The following SMC4 variants were observed in gnomAD, a reference collection of about 807,000 sequenced individuals.
SMC4 encodes structural maintenance of chromosomes 4.
Under a neutral mutation model 145.6 loss-of-function variants are expected in SMC4, and 87 were observed. That is an observed-to-expected ratio of 0.60 (90% CI 0.50 to 0.71). The LOEUF is 0.71. Ranked by LOEUF, SMC4 falls within the 30% of genes least tolerant of loss-of-function variation. SMC4 has a pLI of 0.00. For missense variants in SMC4, 1,447 were observed against 1,537.1 expected (o/e 0.94, Z 0.98); for synonymous variants, 558 against 500.7 (o/e 1.11, Z -1.53).
chr3:160,407,872 G>T (rs1438976460), intron 5 of SMC4, among the ~76,000 whole-genome samples: 3 of 152,162 alleles, frequency 2.0e-5, no homozygotes, highest in African/African-American at 7.2e-5. Flanking sequence ...TAGATATCAA[G>T]AAGTCCAGCT....
rs756919140 is a variant in SMC4, at chr3:160,423,631, A to G, written c.2226A>G (p.Gly742=). ...DRRWRVVTLQ[G]QIIEQSGTMT... is the part of the protein sequence containing the mutation. ...GATGGAGAGTGGTAACTTTACAGGG[A>G]CAAATCATAGAACAGTCAGGTAATA... The change falls in exon 14 of 24, where the codon GGA becomes GGG. Residue 742 remains glycine, a synonymous_variant. Transcript: ENST00000357388. 1 of 1,612,622 alleles carries G rather than the reference A, an allele frequency of 6.2e-7. No homozygotes were observed.
intron 10 of SMC4, chr3:160,416,663 G>T: frequency 4.2e-6 from 1 of 235,696 alleles, no homozygotes; most frequent in Non-Finnish European, 8.2e-6. Flanking sequence ...ACAGTACCTT[G>T]ATTATTATAT....
Position 160,412,099 on chromosome 3 carries a change from G to T in SMC4, c.852+15G>T. The T allele has an allele frequency of 6.2e-7, 1 of 1,602,716 alleles. No individual in the cohort carries two copies. Among genetic ancestry groups the T allele is most frequent in the South Asian group, 1.1e-5 (1 of 90,056 alleles). ...GAGGAGAGAAGGTGAATCATCTGTA[G>T]ACTTTCATTGTAAATCAGAATGTTT... On this transcript the variant is annotated intron_variant, in intron 6 of 23. Coordinates refer to ENST00000357388, the MANE Select transcript of SMC4 (RefSeq NM_001002800.3).
chr3:160,400,669 C>T lies in SMC4; in HGVS notation c.-5-153C>T, dbSNP rs143287043. On this transcript the variant is annotated intron_variant, in intron 1 of 23. Coordinates refer to ENST00000357388, the MANE Select transcript of SMC4 (RefSeq NM_001002800.3). ...AGTCCTGCCTTCTTGCCACTCGTGTCTTTCGATGGCTCCCTTCCCGAAGTC... is the reference window on the plus strand; with the variant it reads ...AGTCCTGCCTTCTTGCCACTCGTGTTTTTCGATGGCTCCCTTCCCGAAGTC... 1,618 of 983,426 alleles carry T rather than the reference C, an allele frequency of 1.6e-3. 21 individuals carry two copies. The African/African-American group carries it at 0.026, about 16-fold the overall frequency. 60.9% of individuals were successfully genotyped at this position (983,426 alleles called of 1,614,324 possible). A position where few individuals can be genotyped will look rare whatever the true frequency, so the allele number is the denominator to read the frequency against.
At position 160,432,409 on chromosome 3, in the gene SMC4, A is replaced by G; in HGVS notation, c.3424A>G (p.Ile1142Val). Residue 1142 changes from isoleucine to valine, a missense_variant, in exon 22 of 24, where the codon ATA becomes GTA. By Grantham distance (29) the Ile-to-Val change is conservative. Coordinates refer to ENST00000357388, the MANE Select transcript of SMC4 (RefSeq NM_001002800.3). ...LNEFMAGFYIITNKLKENYQM... is the reference protein window; with the variant it reads ...LNEFMAGFYIVTNKLKENYQM... Reference sequence around the variant, plus strand: ...TGAATTTATGGCAGGTTTTTATATAATAACAAATAAATTAAAGGAAAATTA... The same window carrying G: ...TGAATTTATGGCAGGTTTTTATATAGTAACAAATAAATTAAAGGAAAATTA... 6.2e-7 allele frequency: 1 copy of G among 1,613,086 alleles called. No homozygotes were observed. Among genetic ancestry groups the G allele is most frequent in the Non-Finnish European group, 8.5e-7 (1 of 1,179,208 alleles).
intron 5 of SMC4, chr3:160,404,800 A>G (rs775368833): frequency 7.1e-6 from 4 of 561,992 alleles, no homozygotes; most frequent in Admixed American, 3.8e-5. Context: ...TTAAACACCA[A>G]TATTACTGTG....
In SMC4 at chr3:160,433,812, T is replaced by G. The variant is rs1389659055; in HGVS notation, c.*3T>G. 4.4e-6 allele frequency: 7 copies of G among 1,597,526 alleles called. No individual in the cohort carries two copies. Among genetic ancestry groups the G allele is most frequent in the Non-Finnish European group, 6.0e-6 (7 of 1,173,894 alleles). ...TTGCATCTAAGGGACTTTGTTGAAC[T>G]TTATGCTGAAGATTCTTCAAGTTGA... On this transcript the variant is annotated 3_prime_UTR_variant, in exon 24 of 24. Transcript: ENST00000357388.
chr3:160,414,079 CA>C (rs1353350180), intron 8 of SMC4: 2 of 429,144 alleles, frequency 4.7e-6, no homozygotes, highest in African/African-American at 4.2e-5. Flanking sequence ...AAGGTAAAAC[CA>C]AAATTTTACT....
chr3:160,402,705 C>G lies in SMC4; in HGVS notation c.348C>G (p.Gly116=), dbSNP rs147064297. 6.2e-7 allele frequency: 1 copy of G among 1,607,932 alleles called. No individual in the cohort carries two copies. The highest frequency in any genetic ancestry group is 1.3e-5 in the African/African-American group (1 of 74,456). ...TTTCCTGTATTATCGGGCCAAATGG[C>G]AGTGGCAAATCCAATGTTATTGATT... ...KRFSCIIGPN[G]SGKSNVIDSM... The change falls in exon 4 of 24, where the codon GGC becomes GGG. Residue 116 remains glycine, a synonymous_variant. Coordinates refer to ENST00000357388, the MANE Select transcript of SMC4 (RefSeq NM_001002800.3).
Position 160,419,415 on chromosome 3 carries a change from C to A in SMC4, c.1729C>A (p.His577Asn), listed in dbSNP as rs371532410. ...AGAAACAAACTTTAAAAGTTTGGTT[C>A]ATGATCTCTTTCAAAAAGTTGAAGA... is the stretch of plus-strand genomic sequence containing the variant. ...QEETNFKSLV[H>N]DLFQKVEEAK... The change falls in exon 12 of 24, where the codon CAT becomes AAT. Residue 577 changes from histidine to asparagine, a missense_variant. His to Asn is a moderately conservative substitution (Grantham distance 68, BLOSUM62 1). Transcript: ENST00000357388. 58 of 1,611,660 alleles carry A rather than the reference C, an allele frequency of 3.6e-5. No individual in the cohort carries two copies. In the Admixed American group the frequency reaches 5.2e-4, roughly 14 times the overall value.
In SMC4 at chr3:160,404,368, A is replaced by C; in HGVS notation, c.551A>C (p.Tyr184Ser). The C allele has an allele frequency of 6.2e-7, 1 of 1,606,704 alleles. No individual in the cohort carries two copies. The highest frequency in any genetic ancestry group is 8.5e-7 in the Non-Finnish European group (1 of 1,178,072). ...GAAGTCATTCCTAACAGTAATTTCT[A>C]TGTATCCAGAACGGCCTGCAGAGAT... The part of the protein sequence containing the change: ...DYEVIPNSNF[Y>S]VSRTACRDNT... The change falls in exon 5 of 24, where the codon TAT (tyrosine) becomes TCT (serine). Residue 184 changes from tyrosine (Y) to serine (S), a missense_variant. By Grantham distance (144) the Tyr-to-Ser change is moderately radical. Coordinates refer to ENST00000357388, the MANE Select transcript of SMC4 (RefSeq NM_001002800.3).
At chr3:160,418,373 T>C (rs895492269) in intron 11 of SMC4, among the ~76,000 whole-genome samples, 13 of 152,188 alleles carry the variant, frequency 8.5e-5, no homozygotes, top group African/African-American at 2.7e-4. Context: ...CAAAATGTTA[T>C]AAACTAACTA....
chr3:160,414,264 A>G (rs1252707835), intron 8 of SMC4, 103 bp from the exon 9 acceptor site: 1 of 952,756 alleles, frequency 1.0e-6, no homozygotes, highest in Non-Finnish European at 1.7e-6. Context: ...TGCCTTATTA[A>G]GAGCCTGGAC....
chr3:160,427,062 G>T (rs560263140), intron 17 of SMC4, among the ~76,000 whole-genome samples: 68 of 152,290 alleles, frequency 4.5e-4, no homozygotes, highest in African/African-American at 1.6e-3. Flanking sequence ...ATTTTTAAAT[G>T]TTGACACATT....
At chr3:160,402,235 T>TCA (rs150616801) in intron 3 of SMC4, 142 bp downstream of exon 3, 26,440 of 504,836 alleles carry the variant, frequency 0.052, 505 homozygotes, top group Middle Eastern at 0.083. Context: ...TGTCTCTCTC[T>TCA]CTCACACACA....
chr3:160,404,684 A>T, intron 5 of SMC4, 180 bp downstream of exon 5: 2 of 753,002 alleles, frequency 2.7e-6, no homozygotes, highest in Non-Finnish European at 5.0e-6. Context: ...AAGGAAATTC[A>T]TTCAAAACTA....
chr3:160,419,595 G>A (rs759150766), intron 12 of SMC4, 52 bp downstream of exon 12: 14 of 1,516,010 alleles, frequency 9.2e-6, no homozygotes, highest in South Asian at 3.8e-5. Context: ...TTAAGAAAGT[G>A]TAACTTATTT....
chr3:160,430,946 G>A, intron 19 of SMC4, 86 bp from the exon 20 acceptor site: 1 of 1,361,222 alleles, frequency 7.3e-7, no homozygotes, highest in Non-Finnish European at 1.0e-6. Flanking sequence ...GGCATGAGGA[G>A]AGATTGGTAA....
In SMC4 at chr3:160,417,938, T is replaced by C; in HGVS notation, c.1653T>C (p.Thr551=). Residue 551 remains threonine, a synonymous_variant, in exon 11 of 24, where the codon ACT becomes ACC. Coordinates refer to ENST00000357388, the MANE Select transcript of SMC4 (RefSeq NM_001002800.3). ...IRDIEGKLPQ[T]EQELKEKEKE... ...ATATAGAAGGAAAACTCCCTCAAAC[T>C]GAACAAGAATTAAAGGAGGTAAATC... 6.2e-7 allele frequency: 1 copy of C among 1,611,460 alleles called. No individual in the cohort carries two copies. Among genetic ancestry groups the C allele is most frequent in the Non-Finnish European group, 8.5e-7 (1 of 1,178,682 alleles).
Sources: allele counts gnomAD v4.1 joint callset (sites outside exome capture counted in the v4.1 genomes callset), GRCh38; gene constraint gnomAD v4.1.1; transcripts MANE v1.5; gene names NCBI Gene and HGNC (gene_info 2026-07-23, HGNC 2026-07-21).